Variants in ATP11C observed in about 807,000 individuals in gnomAD.
The protein encoded by ATP11C is phospholipid-transporting ATPase IG.
In ATP11C, 36 loss-of-function variants were observed where a neutral mutation model predicts 97.4. That is an observed-to-expected ratio of 0.37 (90% confidence interval 0.28 to 0.49). ATP11C has a LOEUF of 0.49. Ranked by LOEUF, ATP11C falls within the 20% of genes least tolerant of loss-of-function variation. The pLI is 0.98. For missense variants in ATP11C, 730 were observed against 824.6 expected, an observed-to-expected ratio of 0.89 and a Z score of 1.40; for synonymous variants, 275 against 290.9, an observed-to-expected ratio of 0.95 and a Z score of 0.56.
chrX:139,735,986 A>T, intron 28 of ATP11C, among the ~76,000 whole-genome samples: 1 of 111,773 alleles, frequency 8.9e-6, no homozygotes, highest in East Asian at 2.8e-4. Context: ...TGATTATGGA[A>T]ATTTTCCTGG....
At chrX:139,754,338 T>C (rs1054623823) in intron 23 of ATP11C, among the ~76,000 whole-genome samples, 2 of 110,414 alleles carry the variant, frequency 1.8e-5, no homozygotes, top group African/African-American at 6.6e-5. Context: ...AACTGAAAGG[T>C]AATAAAAAGT....
intron 1 of ATP11C, among the ~76,000 whole-genome samples, chrX:139,910,937 T>C (rs1052693174): frequency 9.0e-6 from 1 of 111,670 alleles, no homozygotes; most frequent in East Asian, 2.8e-4. Context: ...GACCAGAACA[T>C]ATGTTAAGGA....
At chrX:139,771,414 T>C (rs1370715387) in intron 19 of ATP11C, among the ~76,000 whole-genome samples, 1 of 111,421 alleles carries the variant, frequency 9.0e-6, no homozygotes, top group Non-Finnish European at 1.9e-5. Flanking sequence ...AGTAAATTGG[T>C]ACCAGTAGAG....
rs938230590 is a variant in ATP11C at position 139,782,795 on chromosome X, G to A, written c.1771-67C>T. The A allele has an allele frequency of 1.6e-5, 13 of 788,682 alleles. No homozygotes were observed. In the African/African-American group the frequency reaches 2.6e-4, roughly 16 times the overall value. The allele number at this position is 788,682 out of a possible 1,213,427, so 65.0% of individuals were successfully genotyped here. ...TTGGAAAAAAAAAAAAACACACTCT[G>A]TAAATACTCTTGCTTTAGCCATATG... On this transcript the variant is annotated intron_variant, in intron 17 of 29. Transcript: ENST00000682941.
At chrX:139,733,191 A>T (rs974616959) in intron 28 of ATP11C, among the ~76,000 whole-genome samples, 2 of 111,384 alleles carry the variant, frequency 1.8e-5, no homozygotes, top group Non-Finnish European at 3.8e-5. Context: ...GTAAGGTATT[A>T]TTTTTTTTCC....
rs867349346 is a variant in ATP11C, at chrX:139,932,208, C to G, written c.-166G>C. 3 of 253,671 alleles carry G rather than the reference C, an allele frequency of 1.2e-5. No individual in the cohort carries two copies. Among genetic ancestry groups the G allele is most frequent in the Non-Finnish European group, 1.7e-5 (3 of 179,637 alleles). 20.9% of individuals were successfully genotyped at this position (253,671 alleles called of 1,213,427 possible). ...GCCCCCCTCGGCTCTCCGCGCTCCC[C>G]CGCCCCCCAGCCGCCCGCAGCCTAG... On this transcript the variant is annotated 5_prime_UTR_variant, in exon 1 of 30. Transcript: ENST00000682941.
At chrX:139,835,225 T>A (rs1385511999) in intron 1 of ATP11C, among the ~76,000 whole-genome samples, 3 of 111,872 alleles carry the variant, frequency 2.7e-5, no homozygotes, top group African/African-American at 9.8e-5. Flanking sequence ...CCCAGGTGGG[T>A]GTTTTTGCTT....
intron 1 of ATP11C, among the ~76,000 whole-genome samples, chrX:139,891,271 T>C (rs1350515189): frequency 9.3e-6 from 1 of 108,071 alleles, no homozygotes; most frequent in Non-Finnish European, 1.9e-5. Flanking sequence ...GGTGGTGGAC[T>C]AGAAAGTTGG....
chrX:139,783,167 T>G lies in ATP11C; in HGVS notation c.1767A>C (p.Ala589=). 1 of 1,192,560 alleles carries G rather than the reference T, an allele frequency of 8.4e-7. No individual in the cohort carries two copies. Among genetic ancestry groups the G allele is most frequent in the Non-Finnish European group, 1.1e-6 (1 of 879,519 alleles). The change falls in exon 17 of 30, where the codon GCA becomes GCC. Residue 589 remains alanine, a synonymous_variant. Coordinates refer to ENST00000682941, the MANE Select transcript of ATP11C (RefSeq NM_001353812.2). Reference sequence around the variant, plus strand: ...GGGGGAAGGAGTATAGGCTCACCATTGCATTACGTTCCACATGGACTTTAG... The same window carrying G: ...GGGGGAAGGAGTATAGGCTCACCATGGCATTACGTTCCACATGGACTTTAG... ...ELTKVHVERN[A]MDGYRTLCVA... is the part of the protein sequence containing the mutation.
At chrX:139,881,398 TAG>T (rs2084560106) in intron 1 of ATP11C, among the ~76,000 whole-genome samples, 2 of 110,756 alleles carry the variant, frequency 1.8e-5, no homozygotes, top group South Asian at 7.8e-4. Context: ...GTTGCTGATA[TAG>T]AGTGATTTTT....
chrX:139,816,630 T>C (rs1245441711), intron 4 of ATP11C, among the ~76,000 whole-genome samples: 1 of 112,375 alleles, frequency 8.9e-6, no homozygotes, highest in East Asian at 2.8e-4. Flanking sequence ...CTGTACCTTT[T>C]ACCTGCTCTT....
intron 14 of ATP11C, among the ~76,000 whole-genome samples, chrX:139,787,693 A>G (rs1045469831): frequency 8.9e-6 from 1 of 112,407 alleles, no homozygotes; most frequent in African/African-American, 3.2e-5. Context: ...CTTTTCCTGG[A>G]TAAGTTGATA....
intron 13 of ATP11C, 31 bp downstream of exon 13, chrX:139,789,295 GT>G: frequency 2.7e-6 from 3 of 1,129,084 alleles, no homozygotes; most frequent in Non-Finnish European, 3.6e-6. Context: ...ACACAGATTG[GT>G]TTCTTATATA....
intron 1 of ATP11C, among the ~76,000 whole-genome samples, chrX:139,895,405 G>A (rs1184730929): frequency 9.0e-6 from 1 of 110,994 alleles, no homozygotes; most frequent in African/African-American, 3.3e-5. Flanking sequence ...TGAGTAGCTG[G>A]GATTACAGGT....
chrX:139,917,799 G>C (rs1413905809), intron 1 of ATP11C, among the ~76,000 whole-genome samples: 1 of 109,320 alleles, frequency 9.1e-6, no homozygotes, highest in Non-Finnish European at 1.9e-5. Flanking sequence ...CTACCAAAAA[G>C]ACAAAAATTA....
At chrX:139,831,782 T>C (rs2083654331) in intron 1 of ATP11C, among the ~76,000 whole-genome samples, 1 of 111,808 alleles carries the variant, frequency 8.9e-6, no homozygotes, top group Non-Finnish European at 1.9e-5. Context: ...ACTCTCAGTG[T>C]TCCTTTGGGG....
Position 139,788,290 on chromosome X carries a change from G to C in ATP11C, c.1422C>G (p.Ile474Met). 8.3e-7 allele frequency: 1 copy of C among 1,207,432 alleles called. No homozygotes were observed. The highest frequency in any genetic ancestry group is 1.1e-6 in the Non-Finnish European group (1 of 892,069). The change falls in exon 14 of 30, where the codon ATC becomes ATG. Residue 474 changes from isoleucine (I) to methionine (M), a missense_variant. Coordinates refer to ENST00000682941, the MANE Select transcript of ATP11C (RefSeq NM_001353812.2). ...CTCCATCAACAGCATCGTTTGTTTT[G>C]ATTTCTACAGTATGACATAAACACA... Reference protein sequence around the residue: ...RALCLCHTVEIKTNDAVDGAT... With the variant: ...RALCLCHTVEMKTNDAVDGAT...
chrX:139,798,988 T>A (rs2082861963), intron 8 of ATP11C, among the ~76,000 whole-genome samples: 1 of 108,823 alleles, frequency 9.2e-6, no homozygotes, highest in Non-Finnish European at 1.9e-5. Flanking sequence ...AAAAAATACA[T>A]GGGGGGGGAT....
intron 10 of ATP11C, among the ~76,000 whole-genome samples, chrX:139,797,601 G>C (rs2082828345): frequency 9.0e-6 from 1 of 111,417 alleles, no homozygotes; most frequent in African/African-American, 3.3e-5. Context: ...TGACAGGAGA[G>C]GTACACACAT....
Sources: gnomAD v4.1 joint callset for allele counts (sites outside exome capture counted in the v4.1 genomes callset) on GRCh38, gnomAD v4.1.1 for gene constraint, MANE v1.5 for transcripts, NCBI Gene and HGNC (gene_info 2026-07-23, HGNC 2026-07-21) for gene names.